Variants in IL27 observed in about 807,000 individuals in gnomAD.
IL27 encodes the protein interleukin-27 subunit alpha.
A neutral mutation model predicts 27.0 loss-of-function variants in IL27; 11 were observed. The observed-to-expected ratio is 0.41, with a 90% CI of 0.26 to 0.67. The LOEUF (loss-of-function observed/expected upper bound fraction) is 0.67. IL27 is among the 30% of genes least tolerant of loss of function. IL27 has a pLI of 0.34. For synonymous variants in IL27, 134 were observed against 140.6 expected, an observed-to-expected ratio of 0.95 and a Z score of 0.33; for missense variants, 299 against 310.4, an observed-to-expected ratio of 0.96 and a Z score of 0.28.
chr16:28,503,830 A>T, intron 2 of IL27, 37 bp from the exon 3 acceptor site: 1 of 1,611,188 alleles, frequency 6.2e-7, no homozygotes, highest in Non-Finnish European at 8.5e-7. Flanking sequence ...GCCAGAAGGG[A>T]TTGGGGGTCT....
intron 3 of IL27, 76 bp downstream of exon 3, chr16:28,503,619 A>G: frequency 9.4e-7 from 1 of 1,063,474 alleles, no homozygotes; most frequent in Non-Finnish European, 1.4e-6. Context: ...TCTCCAGCTC[A>G]ATCTCCAGCC....
rs1221105459 is a variant in IL27, at chr16:28,502,129, C to T, written c.309G>A (p.Pro103=). ...TGGTGGAGATGAAGCAGAGACGCTC[C>T]GGGTCCTGAAGGGGAGGGAGATGGT... is the stretch of plus-strand genomic sequence containing the variant. ...TFQAWRRLSD[P]ERLCFISTTL... Residue 103 remains proline, a synonymous_variant, in exon 4 of 5, where the codon CCG becomes CCA. Transcript: ENST00000356897. 7.5e-6 allele frequency: 12 copies of T among 1,601,172 alleles called. No individual in the cohort carries two copies. Among genetic ancestry groups the T allele is most frequent in the African/African-American group, 2.7e-5 (2 of 74,596 alleles).
At chr16:28,502,283 G>A in intron 3 of IL27, 149 bp from the exon 4 acceptor site, 1 of 701,468 alleles carries the variant, frequency 1.4e-6, no homozygotes, top group Admixed American at 2.9e-5. Flanking sequence ...GCCCAGCTGT[G>A]TCCCCATTCC....
chr16:28,501,852 C>T (rs1415484200), intron 4 of IL27, 124 bp downstream of exon 4: 2 of 1,183,100 alleles, frequency 1.7e-6, no homozygotes, highest in Non-Finnish European at 2.4e-6. Flanking sequence ...CCCACACACT[C>T]ATGGACACTC....
At chr16:28,503,258 GTTTA>G (rs1417991117) in intron 3 of IL27, among the ~76,000 whole-genome samples, 1 of 152,044 alleles carries the variant, frequency 6.6e-6, no homozygotes, top group African/African-American at 2.4e-5. Context: ...ACGCCTGGCA[GTTTA>G]TTTATTTTTC....
At chr16:28,503,166 C>T (rs2046443096) in intron 3 of IL27, among the ~76,000 whole-genome samples, 1 of 152,160 alleles carries the variant, frequency 6.6e-6, no homozygotes, top group African/African-American at 2.4e-5. Flanking sequence ...CCATGTTGGC[C>T]AGGCTGGTCT....
At position 28,503,961 on chromosome 16, in the gene IL27, G is replaced by T. The variant is rs769187970; in HGVS notation, c.121C>A (p.Gln41Lys). Residue 41 changes from glutamine to lysine, a missense_variant, in exon 2 of 5, where the codon CAG (glutamine) becomes AAG (lysine). Physicochemically the swap from Gln to Lys is moderately conservative, Grantham distance 53. Coordinates refer to ENST00000356897, the MANE Select transcript of IL27 (RefSeq NM_145659.3). Reference sequence around the variant, plus strand: ...ACTGTGAACTCCCTCCGCAGCTCCTGCAGGCTCAGCTGGGGCCTCCCTGGG... The same window carrying T: ...ACTGTGAACTCCCTCCGCAGCTCCTTCAGGCTCAGCTGGGGCCTCCCTGGG... ...RPPGRPQLSL[Q>K]ELRREFTVSL... is the part of the protein sequence containing the mutation. The T allele has an allele frequency of 3.7e-6, 6 of 1,614,138 alleles. No individual in the cohort carries two copies. The highest frequency in any genetic ancestry group is 5.1e-6 in the Non-Finnish European group (6 of 1,179,976).
intron 3 of IL27, among the ~76,000 whole-genome samples, chr16:28,502,506 A>G (rs75738775): frequency 0.054 from 7,975 of 148,336 alleles, 224 homozygotes; most frequent in East Asian, 0.11. Context: ...CCTAACCCCA[A>G]CTCCATCCTT....
In IL27 at chr16:28,503,754, G is replaced by A. The variant is rs2046446583; in HGVS notation, c.244C>T (p.Pro82Ser). 1 of 1,613,840 alleles carries A rather than the reference G, an allele frequency of 6.2e-7. No individual in the cohort carries two copies. The highest frequency in any genetic ancestry group is 8.5e-7 in the Non-Finnish European group (1 of 1,179,820). Residue 82 changes from proline (P) to serine (S), a missense_variant, in exon 3 of 5, where the codon CCC (proline) becomes TCC (serine). Transcript: ENST00000356897. ...HLPGVNLYLLPLGEQLPDVSL... is the reference protein window; with the variant it reads ...HLPGVNLYLLSLGEQLPDVSL... ...ACATCAGGGAGCTGCTCTCCCAGGG[G>A]CAGGAGGTACAGGTTCACTCCTGGC...
chr16:28,500,824 G>T (rs777631810), intron 4 of IL27, among the ~76,000 whole-genome samples: 1 of 152,074 alleles, frequency 6.6e-6, no homozygotes, highest in East Asian at 1.9e-4. Context: ...CTGTGTGTGC[G>T]CCTGCACACA....
intron 4 of IL27, among the ~76,000 whole-genome samples, chr16:28,500,652 G>C (rs1330884734): frequency 1.3e-5 from 2 of 152,108 alleles, no homozygotes; most frequent in African/African-American, 2.4e-5. Context: ...GGAGGATCTG[G>C]GTGACATCAG....
Position 28,499,931 on chromosome 16 carries a change from A to G in IL27, c.463-11T>C, listed in dbSNP as rs2046421373. On this transcript the variant is annotated splice_polypyrimidine_tract_variant and intron_variant, in intron 4 of 4. Transcript: ENST00000356897. Reference sequence around the variant, plus strand: ...TCCTGCAGCCAGCACCTGTGAGGAGAGGCCATGGGTCAGGGAGGGGCCAGG... The same window carrying G: ...TCCTGCAGCCAGCACCTGTGAGGAGGGGCCATGGGTCAGGGAGGGGCCAGG... The G allele has an allele frequency of 1.9e-6, 3 of 1,538,696 alleles. No homozygotes were observed. In the East Asian group the frequency reaches 7.4e-5, roughly 38 times the overall value.
intron 1 of IL27, 88 bp downstream of exon 1, chr16:28,506,693 A>C: frequency 7.5e-7 from 1 of 1,324,716 alleles, no homozygotes; most frequent in Non-Finnish European, 1.0e-6. Flanking sequence ...TGCTGCTCTC[A>C]GCTCTCGACC....
intron 4 of IL27, among the ~76,000 whole-genome samples, chr16:28,500,398 C>T (rs963995402): frequency 2.0e-5 from 3 of 152,100 alleles, no homozygotes; most frequent in Non-Finnish European, 4.4e-5. Flanking sequence ...CCTCAGCCTC[C>T]TGAGTAGCTG....
At chr16:28,504,418 C>T (rs1416687619) in intron 1 of IL27, among the ~76,000 whole-genome samples, 1 of 152,090 alleles carries the variant, frequency 6.6e-6, no homozygotes, top group African/African-American at 2.4e-5. Flanking sequence ...GCAGAGGCTG[C>T]AGTGAGCTAA....
At chr16:28,501,460 ACT>A (rs1354763012) in intron 4 of IL27, among the ~76,000 whole-genome samples, 5 of 148,916 alleles carry the variant, frequency 3.4e-5, no homozygotes, top group African/African-American at 9.9e-5. Flanking sequence ...ACACTCACAC[ACT>A]CACAGCCACA....
In IL27 at chr16:28,499,730, A is replaced by G. The variant is rs759967810; in HGVS notation, c.653T>C (p.Val218Ala). 6.2e-6 allele frequency: 10 copies of G among 1,613,396 alleles called. No homozygotes were observed. Among genetic ancestry groups the G allele is most frequent in the Non-Finnish European group, 8.5e-7 (1 of 1,179,802 alleles). The change falls in exon 5 of 5, where the codon GTG becomes GCG. Residue 218 changes from valine to alanine, a missense_variant. Physicochemically the swap from Val to Ala is moderately conservative, Grantham distance 64. Coordinates refer to ENST00000356897, the MANE Select transcript of IL27 (RefSeq NM_145659.3). ...CTTGGACAGCAGCAGCAACTCCCGC[A>G]CGGCCCGAGATAAGACGAGCTCCAA... Reference protein sequence around the residue: ...HSLELVLSRAVRELLLLSKAG... With the variant: ...HSLELVLSRAARELLLLSKAG...
At position 28,499,854 on chromosome 16, in the gene IL27, TCTCCTCCTC is replaced by T. The variant is rs748703179; in HGVS notation, c.520_528del (p.Glu174_Glu176del). ...AGTGCCCCTGGGAGCAGCCCCTTCC[TCTCCTCCTC>T]CTCCTCCTCCTCTTCCTCCTCCTCC... is the stretch of plus-strand genomic sequence containing the variant. On this transcript the variant is annotated inframe_deletion, in exon 5 of 5. Coordinates refer to ENST00000356897, the MANE Select transcript of IL27 (RefSeq NM_145659.3). The T allele has an allele frequency of 5.2e-6, 8 of 1,535,772 alleles. No homozygotes were observed. The highest frequency in any genetic ancestry group is 1.7e-4 in the Middle Eastern group (1 of 5,980).
At chr16:28,503,822 C>A in intron 2 of IL27, 29 bp from the exon 3 acceptor site, 1 of 1,611,940 alleles carries the variant, frequency 6.2e-7, no homozygotes, top group Non-Finnish European at 8.5e-7. Context: ...TAGTGGGGGC[C>A]AGAAGGGATT....
Sources: gnomAD v4.1 joint callset for allele counts (sites outside exome capture counted in the v4.1 genomes callset) on GRCh38, gnomAD v4.1.1 for gene constraint, MANE v1.5 for transcripts, NCBI Gene and HGNC (gene_info 2026-07-23, HGNC 2026-07-21) for gene names.